HLCS: variants seen among roughly 807,000 people sequenced by gnomAD.
HLCS encodes the protein biotin--protein ligase.
In HLCS, 53 loss-of-function variants were observed where a neutral mutation model predicts 75.0. The observed-to-expected ratio is 0.71, with a 90% confidence interval of 0.57 to 0.89. HLCS has a LOEUF of 0.89. Ranked by LOEUF, HLCS falls within the 40% of genes least tolerant of loss-of-function variation. The pLI, the probability that HLCS is intolerant of heterozygous loss-of-function variation, is 0.00. For synonymous variants in HLCS, 431 were observed against 428.6 expected, an observed-to-expected ratio of 1.01 and a Z score of -0.07; for missense variants, 966 against 1,074.0, an observed-to-expected ratio of 0.90 and a Z score of 1.41.
At chr21:36,943,024 C>T (rs566071979) in intron 2 of HLCS, among the ~76,000 whole-genome samples, 1 of 152,152 alleles carries the variant, frequency 6.6e-6, no homozygotes, top group South Asian at 2.1e-4. Context: ...ATCTCAAAAC[C>T]ACAGTGAGAC....
intron 6 of HLCS, among the ~76,000 whole-genome samples, chr21:36,879,166 G>A (rs1470668424): frequency 7.5e-5 from 3 of 39,960 alleles, no homozygotes; most frequent in Non-Finnish European, 1.5e-4. Context: ...TATTCATGAA[G>A]TATTGTAAAC....
rs939308121 is a variant in HLCS, at chr21:36,779,292, C to T, written c.1893-12007G>A. Among the ~76,000 whole-genome samples, 10 of 151,616 alleles carry T rather than the reference C, an allele frequency of 6.6e-5. 1 individual carries two copies. Among genetic ancestry groups the T allele is most frequent in the African/African-American group, 2.4e-4 (10 of 41,192 alleles). On this transcript the variant is annotated intron_variant, in intron 6 of 10. Coordinates refer to ENST00000674895, the MANE Select transcript of HLCS (RefSeq NM_001352514.2). ...CTGTATTTCCTTCCGTCCATCCATCCCTCCCTCCTTCCTTCCTTCCCTCCT... is the reference window on the plus strand; with the variant it reads ...CTGTATTTCCTTCCGTCCATCCATCTCTCCCTCCTTCCTTCCTTCCCTCCT...
At chr21:36,967,360 A>G (rs2146697358), upstream of HLCS, among the ~76,000 whole-genome samples, 1 of 152,310 alleles carries the variant, frequency 6.6e-6, no homozygotes, top group South Asian at 2.1e-4. Flanking sequence ...GAAGACAGAT[A>G]AGCACCAAGA....
chr21:36,926,664 A>G (rs1013545780), intron 5 of HLCS, among the ~76,000 whole-genome samples: 4 of 152,092 alleles, frequency 2.6e-5, no homozygotes, highest in African/African-American at 9.7e-5. Flanking sequence ...AAGTTTTAAA[A>G]GATTATTAAA....
chr21:36,884,880 C>T (rs535557345), intron 6 of HLCS, among the ~76,000 whole-genome samples: 8 of 151,976 alleles, frequency 5.3e-5, no homozygotes, highest in Non-Finnish European at 8.8e-5. Flanking sequence ...GTTCAGGGGT[C>T]TCAGGAAGGT....
chr21:36,940,949 T>C (rs571629031), intron 2 of HLCS, among the ~76,000 whole-genome samples: 1 of 152,238 alleles, frequency 6.6e-6, no homozygotes, highest in East Asian at 1.9e-4. Context: ...CGGTGGTTCA[T>C]ACCTGTAATC....
chr21:36,915,061 GC>G (rs2065876798), intron 5 of HLCS, among the ~76,000 whole-genome samples: 1 of 152,116 alleles, frequency 6.6e-6, no homozygotes, highest in East Asian at 1.9e-4. Flanking sequence ...TCCTTCTGAT[GC>G]TGACATGTCC....
At chr21:36,771,247 T>TAA (rs749660057) in intron 6 of HLCS, among the ~76,000 whole-genome samples, 4,255 of 150,522 alleles carry the variant, frequency 0.028, 71 homozygotes, top group African/African-American at 0.04. Flanking sequence ...AATAAATAAA[T>TAA]ATAAAATAAA....
Position 36,926,470 on chromosome 21 carries a change from A to G in HLCS, c.1620+3781T>C, listed in dbSNP as rs552753905. ...TGCCTTTTAACATTCAAGTGTGACC[A>G]TGTGTGAGATGCCTTCAAAGTCCAA... On this transcript the variant is annotated intron_variant, in intron 5 of 10. Transcript: ENST00000674895. 6.3e-4 allele frequency among the ~76,000 whole-genome samples: 96 copies of G among 152,344 alleles called. No individual in the cohort carries two copies. In the South Asian group the frequency reaches 0.017, roughly 27 times the overall value.
At chr21:36,954,969 G>A (rs1453793971) in intron 2 of HLCS, among the ~76,000 whole-genome samples, 1 of 152,180 alleles carries the variant, frequency 6.6e-6, no homozygotes, top group South Asian at 2.1e-4. Flanking sequence ...GGCTGAGGCA[G>A]GAGAATTGCT....
chr21:36,888,448 ATAT>A (rs1569149586), intron 6 of HLCS, among the ~76,000 whole-genome samples: 1,063 of 26,254 alleles, frequency 0.04, 57 homozygotes, highest in Non-Finnish European at 0.05. Context: ...AAAAAAAAAT[ATAT>A]ATATATATAT....
chr21:36,756,950 T>G (rs2089627665), intron 9 of HLCS, 195 bp from the exon 10 acceptor site: 2 of 985,230 alleles, frequency 2.0e-6, no homozygotes, highest in South Asian at 4.7e-5. Flanking sequence ...CTTTTATTAT[T>G]CTTGTTCAAG....
chr21:36,986,442 T>TG (rs1419644133), intron 1 of HLCS, among the ~76,000 whole-genome samples: 1 of 152,182 alleles, frequency 6.6e-6, no homozygotes, highest in Non-Finnish European at 1.5e-5. Flanking sequence ...GTTTTTGAGA[T>TG]GGAGTTTCAC....
At chr21:36,884,690 T>G (rs2064372093) in intron 6 of HLCS, among the ~76,000 whole-genome samples, 1 of 152,234 alleles carries the variant, frequency 6.6e-6, no homozygotes, top group Non-Finnish European at 1.5e-5. Context: ...AAACCTTGCC[T>G]TATTACCTTT....
intron 6 of HLCS, among the ~76,000 whole-genome samples, chr21:36,859,971 C>CGA (rs2063327852): frequency 1.3e-5 from 2 of 152,200 alleles, no homozygotes; most frequent in African/African-American, 4.8e-5. Flanking sequence ...TGAAATTGTT[C>CGA]CTTGCAGGTC....
At chr21:36,931,480 A>G (rs1382975207) in intron 4 of HLCS, among the ~76,000 whole-genome samples, 1 of 151,406 alleles carries the variant, frequency 6.6e-6, no homozygotes, top group Non-Finnish European at 1.5e-5. Context: ...CTGGGTATAA[A>G]GGCTCACACC....
At chr21:36,848,338 C>T (rs145289824) in intron 6 of HLCS, among the ~76,000 whole-genome samples, 14 of 149,918 alleles carry the variant, frequency 9.3e-5, no homozygotes, top group Non-Finnish European at 1.8e-4. Context: ...GGCATAATCT[C>T]GGCTCACTGC....
chr21:36,932,945 C>T (rs1360516359), intron 4 of HLCS, among the ~76,000 whole-genome samples: 2 of 151,918 alleles, frequency 1.3e-5, no homozygotes, highest in South Asian at 2.1e-4. Flanking sequence ...TGGTGAAACC[C>T]CACTGCCACT....
chr21:36,889,779 T>C (rs2064696666), intron 6 of HLCS, among the ~76,000 whole-genome samples: 1 of 152,204 alleles, frequency 6.6e-6, no homozygotes, highest in Non-Finnish European at 1.5e-5. Flanking sequence ...TCTACTTAAC[T>C]GGCTGAGCTA....
Sources: gnomAD v4.1 joint callset for allele counts (sites outside exome capture counted in the v4.1 genomes callset) on GRCh38, gnomAD v4.1.1 for gene constraint, MANE v1.5 for transcripts, NCBI Gene and HGNC (gene_info 2026-07-23, HGNC 2026-07-21) for gene names.